The following GRM7 variants were observed in gnomAD, a reference collection of about 807,000 sequenced individuals.
GRM7 encodes the protein glutamate metabotropic receptor 7, also known as metabotropic glutamate receptor 7.
GRM7 carries 35 observed loss-of-function variants against 84.5 expected under a neutral mutation model. The observed-to-expected ratio is 0.41, with a 90% CI of 0.32 to 0.55. The LOEUF is 0.55. Among genes scored for constraint, GRM7 ranks in the 20% least tolerant of loss-of-function variants. The pLI is 0.19. For missense variants in GRM7, 1,003 were observed against 1,194.6 expected, an observed-to-expected ratio of 0.84 and a Z score of 2.36; for synonymous variants, 487 against 455.1, an observed-to-expected ratio of 1.07 and a Z score of -0.89.
At chr3:7,550,676 C>T (rs1281250879) in intron 7 of GRM7, among the ~76,000 whole-genome samples, 1 of 148,690 alleles carries the variant, frequency 6.7e-6, no homozygotes, top group Non-Finnish European at 1.5e-5. Context: ...ACTGGGCTTC[C>T]TGCTTTCTCC....
intron 1 of GRM7, among the ~76,000 whole-genome samples, chr3:6,925,133 C>A (rs968858300): frequency 6.6e-6 from 1 of 152,110 alleles, no homozygotes; most frequent in African/African-American, 2.4e-5. Flanking sequence ...TACTTTTGGG[C>A]AATCCCTCAT....
intron 7 of GRM7, among the ~76,000 whole-genome samples, chr3:7,522,451 C>T (rs1435097665): frequency 6.6e-6 from 1 of 152,088 alleles, no homozygotes; most frequent in Non-Finnish European, 1.5e-5. Flanking sequence ...TTAACACACC[C>T]ATTGCTACTG....
In GRM7 at chr3:7,298,413, C is replaced by A. The variant is rs1699885263; in HGVS notation, c.737-271C>A. Among the ~76,000 whole-genome samples, 3 of 152,172 alleles carry A rather than the reference C, an allele frequency of 2.0e-5. No homozygotes were observed. The South Asian group carries it at 6.2e-4, about 32-fold the overall frequency. ...TTTTCTTCCTACCTAAACCTGCCTCCTCTGAAGTAATATCATTGGTATTGC... is the reference window on the plus strand; with the variant it reads ...TTTTCTTCCTACCTAAACCTGCCTCATCTGAAGTAATATCATTGGTATTGC... On this transcript the variant is annotated intron_variant, in intron 2 of 9. Coordinates refer to ENST00000357716, the MANE Select transcript of GRM7 (RefSeq NM_000844.4).
chr3:7,184,369 A>C (rs1695445295), intron 2 of GRM7, among the ~76,000 whole-genome samples: 1 of 151,508 alleles, frequency 6.6e-6, no homozygotes, highest in African/African-American at 2.4e-5. Context: ...TCAATTTTTA[A>C]AGTAGTACTA....
rs56065518 is a variant in GRM7, at chr3:7,644,154, G to GTA, written c.2452-35883_2452-35882dup. 9.1e-4 allele frequency among the ~76,000 whole-genome samples: 94 copies of GTA among 102,888 alleles called. 6 individuals carry two copies. The highest frequency in any genetic ancestry group is 2.8e-3 in the Admixed American group (30 of 10,556). 67.5% of individuals were successfully genotyped at this position (102,888 alleles called of 152,430 possible). ...TGTGTGTGTATATATATGTCTGTAC[G>GTA]TATATATATATATGTCTGTACATAT... On this transcript the variant is annotated intron_variant, in intron 8 of 9. Transcript: ENST00000357716.
chr3:7,026,998 A>G (rs1474438646), intron 1 of GRM7, among the ~76,000 whole-genome samples: 3 of 152,194 alleles, frequency 2.0e-5, no homozygotes. Flanking sequence ...GGCTCATGCC[A>G]TCCTCTTGCC....
chr3:7,050,489 C>G (rs1216614807), intron 1 of GRM7, among the ~76,000 whole-genome samples: 2 of 151,798 alleles, frequency 1.3e-5, no homozygotes, highest in Non-Finnish European at 1.5e-5. Context: ...TATAGTCACC[C>G]CAGACTTGGG....
In GRM7 at chr3:7,415,046, C is replaced by T; in HGVS notation, c.1057C>T (p.Arg353Cys). 3.1e-6 allele frequency: 5 copies of T among 1,612,680 alleles called. No individual in the cohort carries two copies. Among genetic ancestry groups the T allele is most frequent in the South Asian group, 2.2e-5 (2 of 91,022 alleles). Residue 353 changes from arginine to cysteine, a missense_variant, in exon 5 of 10, where the codon CGT becomes TGT. Arg to Cys is a radical substitution (Grantham distance 180). This residue lies in a region of GRM7 where 910 missense variants were observed against 1,126.0 expected (regional missense o/e 0.81). Transcript: ENST00000357716. ...VEGFDAYFTS[R>C]TLENNRRNVW... is the part of the protein sequence containing the mutation. The stretch of plus-strand genomic sequence containing the variant: ...AGGGTTTGATGCCTACTTTACGTCC[C>T]GTACACTTGAAAACAACAGAAGAAA...
intron 7 of GRM7, among the ~76,000 whole-genome samples, chr3:7,560,922 A>G (rs951189075): frequency 1.3e-5 from 2 of 152,160 alleles, no homozygotes; most frequent in African/African-American, 2.4e-5. Context: ...GTCCTATCCA[A>G]TTCGTTCAAC....
chr3:7,394,636 T>A (rs1408016346), intron 4 of GRM7, among the ~76,000 whole-genome samples: 1 of 50,242 alleles, frequency 2.0e-5, no homozygotes, highest in Non-Finnish European at 3.7e-5. Flanking sequence ...AAAATACTTT[T>A]CCACGTGGGA....
intron 4 of GRM7, among the ~76,000 whole-genome samples, chr3:7,386,972 G>T: frequency 6.6e-6 from 1 of 152,158 alleles, no homozygotes; most frequent in East Asian, 1.9e-4. Flanking sequence ...TGATGGGTGT[G>T]AGATTGTATT....
At chr3:7,079,948 G>C (rs1462920313) in intron 1 of GRM7, among the ~76,000 whole-genome samples, 1 of 152,134 alleles carries the variant, frequency 6.6e-6, no homozygotes, top group African/African-American at 2.4e-5. Context: ...TCTGATGCCA[G>C]AGTTTGCTTA....
chr3:7,011,882 G>A (rs1482382230), intron 1 of GRM7, among the ~76,000 whole-genome samples: 7 of 152,150 alleles, frequency 4.6e-5, no homozygotes, highest in Admixed American at 2.6e-4. Context: ...AAAAGCCTTA[G>A]GAAATAGCAA....
intron 8 of GRM7, among the ~76,000 whole-genome samples, chr3:7,673,386 C>T (rs1700002347): frequency 6.6e-6 from 1 of 152,086 alleles, no homozygotes; most frequent in Admixed American, 6.6e-5. Flanking sequence ...ATTTTCCAGT[C>T]ATTTCTTCTG....
intron 8 of GRM7, among the ~76,000 whole-genome samples, chr3:7,640,704 A>G (rs1698327624): frequency 6.6e-6 from 1 of 152,214 alleles, no homozygotes; most frequent in African/African-American, 2.4e-5. Context: ...AAGCTTGTAA[A>G]GTCTTAGAAC....
In GRM7 at chr3:7,693,588, T is replaced by C. The variant is rs530276179; in HGVS notation, c.2698+13293T>C. 14 of 1,207,232 alleles carry C rather than the reference T, an allele frequency of 1.2e-5. No homozygotes were observed. In the African/African-American group the frequency reaches 2.1e-4, roughly 18 times the overall value. The allele number at this position is 1,207,232 out of a possible 1,614,324, so 74.8% of individuals were successfully genotyped here. Reference sequence around the variant, plus strand: ...TTCATTTGCATTTAATTTCCTGTGGTTTGCCAAAGTCCAGACTGAGACTTG... The same window carrying C: ...TTCATTTGCATTTAATTTCCTGTGGCTTGCCAAAGTCCAGACTGAGACTTG... On this transcript the variant is annotated intron_variant, in intron 9 of 9. Coordinates refer to ENST00000357716, the MANE Select transcript of GRM7 (RefSeq NM_000844.4).
intron 1 of GRM7, among the ~76,000 whole-genome samples, chr3:6,911,898 T>C (rs964018174): frequency 1.3e-5 from 2 of 152,180 alleles, no homozygotes; most frequent in African/African-American, 4.8e-5. Flanking sequence ...CATTAGACGT[T>C]TTCAAAATGA....
intron 8 of GRM7, among the ~76,000 whole-genome samples, chr3:7,589,623 GGAT>G (rs1190515369): frequency 6.6e-6 from 1 of 152,126 alleles, no homozygotes; most frequent in East Asian, 1.9e-4. Flanking sequence ...AGAGCTGTGT[GGAT>G]GATTGGTAAG....
chr3:7,178,262 A>C (rs1695219751), intron 2 of GRM7, among the ~76,000 whole-genome samples: 4 of 152,232 alleles, frequency 2.6e-5, no homozygotes, highest in Admixed American at 2.6e-4. Flanking sequence ...ATAACATATG[A>C]GATAAAAATT....
Sources: allele counts gnomAD v4.1 joint callset (sites outside exome capture counted in the v4.1 genomes callset), GRCh38; gene constraint gnomAD v4.1.1; regional missense constraint gnomAD v4.1.1; transcripts MANE v1.5; gene names NCBI Gene and HGNC (gene_info 2026-07-23, HGNC 2026-07-21).